The following COBL variants were observed in gnomAD, a reference collection of about 807,000 sequenced individuals.
The protein encoded by COBL is cordon-bleu WH2 repeat protein.
Under a neutral mutation model 98.8 loss-of-function variants are expected in COBL, and 51 were observed. The observed-to-expected ratio is 0.52, with a 90% CI of 0.41 to 0.65. The LOEUF (loss-of-function observed/expected upper bound fraction) is 0.65. Among genes scored for constraint, COBL ranks in the 30% least tolerant of loss-of-function variants. COBL has a pLI of 0.00. For synonymous variants in COBL, 634 were observed against 651.7 expected, an observed-to-expected ratio of 0.97 and a Z score of 0.41; for missense variants, 1,617 against 1,617.5, an observed-to-expected ratio of 1.00 and a Z score of 0.01.
At chr7:51,158,362 A>G (rs1208470036) in intron 5 of COBL, among the ~76,000 whole-genome samples, 1 of 152,228 alleles carries the variant, frequency 6.6e-6, no homozygotes, top group Non-Finnish European at 1.5e-5. Flanking sequence ...AACCTACCGG[A>G]TGGCGGAAGG....
At chr7:51,054,610 C>G (rs1790553148) in intron 7 of COBL, among the ~76,000 whole-genome samples, 1 of 152,216 alleles carries the variant, frequency 6.6e-6, no homozygotes, top group African/African-American at 2.4e-5. Flanking sequence ...CTCTCTGCCG[C>G]TTGGCCAGGG....
At chr7:51,289,094 C>T (rs1309838013) in intron 1 of COBL, among the ~76,000 whole-genome samples, 1 of 152,166 alleles carries the variant, frequency 6.6e-6, no homozygotes, top group Non-Finnish European at 1.5e-5. Context: ...CCAGCATGCC[C>T]ACCGCACTGG....
chr7:51,027,746 A>T lies in COBL; in HGVS notation c.3350T>A (p.Ile1117Asn). 1 of 1,614,052 alleles carries T rather than the reference A, an allele frequency of 6.2e-7. No individual in the cohort carries two copies. Among genetic ancestry groups the T allele is most frequent in the Non-Finnish European group, 8.5e-7 (1 of 1,179,958 alleles). Reference sequence around the variant, plus strand: ...TCTGTCCTTCCCTCCCGCAGAGTGGATGGCTTCCATCAGGGCAGAGTGCAG... The same window carrying T: ...TCTGTCCTTCCCTCCCGCAGAGTGGTTGGCTTCCATCAGGGCAGAGTGCAG... ...TSLHSALMEA[I>N]HSAGGKDRLR... is the part of the protein sequence containing the mutation. Residue 1117 changes from isoleucine to asparagine, a missense_variant, in exon 10 of 13, where the codon ATC (isoleucine) becomes AAC (asparagine). Around this residue, in one of 3 missense-constraint regions of COBL, gnomAD observed 1,304 missense variants for 1,282.0 expected, o/e 1.02. Transcript: ENST00000265136.
chr7:51,025,010 G>A (rs1236081713), intron 12 of COBL, 99 bp downstream of exon 12: 13 of 1,522,806 alleles, frequency 8.5e-6, no homozygotes, highest in African/African-American at 4.1e-5. Flanking sequence ...CCATGTGACC[G>A]CCTCGCAGCT....
At chr7:51,069,520 G>A (rs1792298856) in intron 7 of COBL, among the ~76,000 whole-genome samples, 1 of 152,234 alleles carries the variant, frequency 6.6e-6, no homozygotes, top group South Asian at 2.1e-4. Flanking sequence ...CTATGCTCAA[G>A]GCTTACTTGA....
At chr7:51,245,167 C>T (rs1354707987) in intron 1 of COBL, among the ~76,000 whole-genome samples, 1 of 152,170 alleles carries the variant, frequency 6.6e-6, no homozygotes, top group Non-Finnish European at 1.5e-5. Context: ...TGATGACCTT[C>T]CCTGCCTCCC....
In COBL at chr7:51,172,799, C is replaced by CT. The variant is rs546016927; in HGVS notation, c.783+11302dup. Among the ~76,000 whole-genome samples, 899 of 150,802 alleles carry CT rather than the reference C, an allele frequency of 6.0e-3. 6 individuals carry two copies. Among genetic ancestry groups the CT allele is most frequent in the African/African-American group, 0.02 (802 of 41,106 alleles). On this transcript the variant is annotated intron_variant, in intron 5 of 12. Coordinates refer to ENST00000265136, the MANE Select transcript of COBL (RefSeq NM_015198.5). ...TTTCTTTCTTTTCTTTCTCTCTTTC[C>CT]TTTTTTTTTGACAGTGTCTTGCTGT...
At chr7:51,279,131 G>T (rs1043064920) in intron 1 of COBL, among the ~76,000 whole-genome samples, 1 of 152,226 alleles carries the variant, frequency 6.6e-6, no homozygotes, top group African/African-American at 2.4e-5. Flanking sequence ...GATACACAGA[G>T]AGGCTGCCTG....
intron 6 of COBL, among the ~76,000 whole-genome samples, chr7:51,121,726 G>A (rs1450276361): frequency 6.6e-6 from 1 of 152,114 alleles, no homozygotes; most frequent in Non-Finnish European, 1.5e-5. Context: ...TTACACTGCT[G>A]CAAATTTAAA....
chr7:51,091,654 A>G (rs111411380), intron 6 of COBL, among the ~76,000 whole-genome samples: 51 of 152,312 alleles, frequency 3.3e-4, no homozygotes, highest in Non-Finnish European at 6.2e-4. Context: ...AAGGAAATAG[A>G]CATACAAAAT....
At chr7:51,098,170 C>G (rs1795467625) in intron 6 of COBL, among the ~76,000 whole-genome samples, 1 of 148,284 alleles carries the variant, frequency 6.7e-6, no homozygotes, top group African/African-American at 2.5e-5. Context: ...TCCATGCTAC[C>G]CAAAACAATC....
rs375788304 is a variant in COBL, at chr7:51,028,985, C to T, written c.2111G>A (p.Gly704Asp). The stretch of plus-strand genomic sequence containing the variant: ...AGGAATGATTTTATACGTTGTGAGG[C>T]CGTGCTTAAGTCTGTAGCTTTTCCC... ...NPGKSYRLKH[G>D]LTTYKIIPPK... Residue 704 changes from glycine (G) to aspartate (D), a missense_variant, in exon 10 of 13, where the codon GGC (glycine) becomes GAC (aspartate). Physicochemically the swap from Gly to Asp is moderately conservative, Grantham distance 94 (BLOSUM62 -1). Coordinates refer to ENST00000265136, the MANE Select transcript of COBL (RefSeq NM_015198.5). The T allele has an allele frequency of 1.2e-6, 2 of 1,614,164 alleles. No individual in the cohort carries two copies. Among genetic ancestry groups the T allele is most frequent in the Non-Finnish European group, 1.7e-6 (2 of 1,180,040 alleles).
intron 1 of COBL, among the ~76,000 whole-genome samples, chr7:51,232,797 A>ACACCTG (rs1794885507): frequency 6.6e-6 from 1 of 152,010 alleles, no homozygotes; most frequent in Non-Finnish European, 1.5e-5. Flanking sequence ...GATGACAGAG[A>ACACCTG]GAGACCCCAC....
At chr7:51,094,045 C>A (rs993219323) in intron 6 of COBL, among the ~76,000 whole-genome samples, 1 of 150,922 alleles carries the variant, frequency 6.6e-6, no homozygotes, top group African/African-American at 2.4e-5. Flanking sequence ...CAATACACAG[C>A]CTTTAAAAAG....
intron 2 of COBL, among the ~76,000 whole-genome samples, chr7:51,200,952 AG>A (rs551805292): frequency 3.9e-4 from 59 of 152,276 alleles, no homozygotes; most frequent in African/African-American, 1.4e-3. Flanking sequence ...AAAAGGTTAA[AG>A]AAAGGAGCCC....
intron 1 of COBL, among the ~76,000 whole-genome samples, chr7:51,307,976 A>G (rs757425782): frequency 6.6e-6 from 1 of 152,220 alleles, no homozygotes; most frequent in Non-Finnish European, 1.5e-5. Flanking sequence ...TAAGTGGTTT[A>G]GGCAGGAGCA....
intron 1 of COBL, among the ~76,000 whole-genome samples, chr7:51,303,895 GAC>G (rs1438482360): frequency 6.6e-6 from 1 of 152,138 alleles, no homozygotes; most frequent in African/African-American, 2.4e-5. Context: ...CAGAGCCGCC[GAC>G]AGAACATATG....
chr7:51,215,751 G>A (rs1203562968), intron 2 of COBL, among the ~76,000 whole-genome samples: 1 of 152,214 alleles, frequency 6.6e-6, no homozygotes, highest in Non-Finnish European at 1.5e-5. Context: ...AGAGTGCAAG[G>A]CCAAGGCCAT....
intron 5 of COBL, chr7:51,156,282 CCT>C: frequency 1.0e-6 from 1 of 985,054 alleles, no homozygotes; most frequent in Non-Finnish European, 1.2e-6. Flanking sequence ...TGGTTCTTTT[CCT>C]CTTTTTTATC....
Sources: allele counts gnomAD v4.1 joint callset (sites outside exome capture counted in the v4.1 genomes callset), GRCh38; gene constraint gnomAD v4.1.1; regional missense constraint gnomAD v4.1.1; transcripts MANE v1.5; gene names NCBI Gene and HGNC (gene_info 2026-07-23, HGNC 2026-07-21).